Variants in SLC24A2 observed in about 807,000 individuals in gnomAD.
SLC24A2 encodes solute carrier family 24 member 2, also known as sodium/potassium/calcium exchanger 2.
SLC24A2 carries 36 observed loss-of-function variants against 62.0 expected under a neutral mutation model. The ratio of observed to expected loss-of-function variants is 0.58; its 90% CI spans 0.44 to 0.77. The LOEUF (loss-of-function observed/expected upper bound fraction) is 0.77. SLC24A2 is among the 30% of genes least tolerant of loss of function. The pLI is 0.00. For synonymous variants in SLC24A2, 358 were observed against 294.0 expected, an observed-to-expected ratio of 1.22 and a Z score of -2.23; for missense variants, 846 against 817.9, an observed-to-expected ratio of 1.03 and a Z score of -0.42.
At chr9:19,758,450 G>A (rs901986994) in intron 2 of SLC24A2, among the ~76,000 whole-genome samples, 2 of 152,094 alleles carry the variant, frequency 1.3e-5, no homozygotes, top group South Asian at 4.1e-4. Flanking sequence ...ACCTGTTTGT[G>A]GGATCAGAAA....
chr9:19,863,185 A>C, the SLC24A2 span, among the ~76,000 whole-genome samples: 1 of 152,072 alleles, frequency 6.6e-6, no homozygotes, highest in South Asian at 2.1e-4. Flanking sequence ...TTCAGCAAGA[A>C]TATTTAACAA....
At chr9:20,262,075 C>T in the SLC24A2 span, among the ~76,000 whole-genome samples, 2 of 152,152 alleles carry the variant, frequency 1.3e-5, no homozygotes, top group Non-Finnish European at 1.5e-5. Context: ...AAACAAAAGA[C>T]AACATTGCTA....
chr9:19,843,983 C>T, the SLC24A2 span, among the ~76,000 whole-genome samples: 3 of 152,292 alleles, frequency 2.0e-5, no homozygotes, highest in Admixed American at 1.3e-4. Context: ...CTGCAGTGAA[C>T]GTACGAGTGC....
chr9:19,954,934 A>T, the SLC24A2 span, among the ~76,000 whole-genome samples: 2 of 152,182 alleles, frequency 1.3e-5, no homozygotes, highest in Non-Finnish European at 2.9e-5. Context: ...TTATGTATGT[A>T]GATGGTAATG....
At chr9:19,856,153 T>G in the SLC24A2 span, among the ~76,000 whole-genome samples, 1 of 152,234 alleles carries the variant, frequency 6.6e-6, no homozygotes, top group Admixed American at 6.5e-5. Flanking sequence ...TGTTCCTCTC[T>G]AAACTGGTTA....
At chr9:20,304,109 G>A in the SLC24A2 span, among the ~76,000 whole-genome samples, 14,808 of 152,216 alleles carry the variant, frequency 0.097, 1,520 homozygotes, top group East Asian at 0.28. Context: ...TCTGATTAAA[G>A]AGGCTAGCTT....
chr9:20,228,935 G>A, the SLC24A2 span, among the ~76,000 whole-genome samples: 39 of 152,190 alleles, frequency 2.6e-4, no homozygotes, highest in African/African-American at 9.2e-4. Context: ...GAGTCCTAAA[G>A]GCCACCAAGA....
At chr9:20,271,694 A>G in the SLC24A2 span, among the ~76,000 whole-genome samples, 2 of 152,224 alleles carry the variant, frequency 1.3e-5, no homozygotes, top group African/African-American at 4.8e-5. Context: ...TAAAGCATCT[A>G]CAAGCAACAC....
chr9:19,990,616 C>CAAAAAAAAAAAACAAAAAAAAAAAA, the SLC24A2 span, among the ~76,000 whole-genome samples: 1 of 45,130 alleles, frequency 2.2e-5, no homozygotes, highest in African/African-American at 9.4e-5. Context: ...CCTAAAAAAA[C>CAAAAAAAAAAAACAAAAAAAAAAAA]AAAAAAAAAA....
At chr9:19,528,216 C>A (rs1833528052) in intron 8 of SLC24A2, 78 bp from the exon 9 acceptor site, 2 of 948,118 alleles carry the variant, frequency 2.1e-6, no homozygotes, top group South Asian at 1.4e-5. Context: ...GCTAAAGCCA[C>A]CATTGTAGCA....
chr9:20,117,072 T>C, the SLC24A2 span, among the ~76,000 whole-genome samples: 4 of 152,148 alleles, frequency 2.6e-5, no homozygotes, highest in Non-Finnish European at 5.9e-5. Flanking sequence ...AGGATTAGGC[T>C]AGTAATGTAT....
the SLC24A2 span, among the ~76,000 whole-genome samples, chr9:20,097,589 C>G: frequency 6.6e-6 from 1 of 152,002 alleles, no homozygotes. Flanking sequence ...ACTGAGAATA[C>G]AAATCAAACT....
At chr9:20,163,512 C>T in the SLC24A2 span, among the ~76,000 whole-genome samples, 22 of 152,172 alleles carry the variant, frequency 1.4e-4, no homozygotes, top group South Asian at 2.1e-4. Flanking sequence ...ACATTCCATG[C>T]TCATGGGTAG....
At chr9:19,921,366 A>G in the SLC24A2 span, among the ~76,000 whole-genome samples, 1 of 151,812 alleles carries the variant, frequency 6.6e-6, no homozygotes, top group Non-Finnish European at 1.5e-5. Context: ...TACTAAAAAT[A>G]CAAAAAATTA....
chr9:20,076,249 T>C, the SLC24A2 span, among the ~76,000 whole-genome samples: 2 of 152,122 alleles, frequency 1.3e-5, no homozygotes, highest in Non-Finnish European at 2.9e-5. Context: ...TAGATGAGCA[T>C]TAGAAATCAT....
the SLC24A2 span, among the ~76,000 whole-genome samples, chr9:19,978,004 C>A: frequency 6.6e-6 from 1 of 152,056 alleles, no homozygotes; most frequent in East Asian, 1.9e-4. Context: ...GGGTAAGACA[C>A]TTTCAGAGCC....
At chr9:20,271,459 A>G in the SLC24A2 span, among the ~76,000 whole-genome samples, 1 of 149,796 alleles carries the variant, frequency 6.7e-6, no homozygotes, top group African/African-American at 2.4e-5. Context: ...CTTTTATGGA[A>G]TTTCCTTTTT....
At chr9:20,067,555 G>A in the SLC24A2 span, among the ~76,000 whole-genome samples, 1 of 151,990 alleles carries the variant, frequency 6.6e-6, no homozygotes, top group Non-Finnish European at 1.5e-5. Flanking sequence ...CCATCTAGTA[G>A]TCCACAGTAT....
intron 5 of SLC24A2, among the ~76,000 whole-genome samples, chr9:19,579,364 A>C (rs1321847746): frequency 6.6e-6 from 1 of 152,194 alleles, no homozygotes; most frequent in South Asian, 2.1e-4. Flanking sequence ...AGATAAACAG[A>C]TAATAAGAGT....
Sources: gnomAD v4.1 joint callset for allele counts (sites outside exome capture counted in the v4.1 genomes callset) on GRCh38, gnomAD v4.1.1 for gene constraint, MANE v1.5 for transcripts, NCBI Gene and HGNC (gene_info 2026-07-23, HGNC 2026-07-21) for gene names.